CDH23: variants seen among roughly 807,000 people sequenced by gnomAD.
The protein encoded by CDH23 is cadherin related 23.
CDH23 carries 189 observed loss-of-function variants against 317.1 expected under a neutral mutation model. The ratio of observed to expected loss-of-function variants is 0.60; its 90% confidence interval spans 0.53 to 0.67. The LOEUF (loss-of-function observed/expected upper bound fraction) is 0.67. Among genes scored for constraint, CDH23 ranks in the 30% least tolerant of loss-of-function variants. The pLI is 0.00. For synonymous variants in CDH23, 1,839 were observed against 1,876.8 expected, an observed-to-expected ratio of 0.98 and a Z score of 0.52; for missense variants, 4,401 against 4,592.4, an observed-to-expected ratio of 0.96 and a Z score of 1.20.
At chr10:71,591,573 A>G (rs1859494439) in intron 9 of CDH23, among the ~76,000 whole-genome samples, 1 of 152,214 alleles carries the variant, frequency 6.6e-6, no homozygotes, top group Admixed American at 6.5e-5. Context: ...CATGTGTGAT[A>G]CCCTTAAAGA....
Position 71,791,347 on chromosome 10 carries a change from A to G in CDH23, c.6253+12A>G. The G allele has an allele frequency of 6.2e-7, 1 of 1,610,956 alleles. No individual in the cohort carries two copies. The highest frequency in any genetic ancestry group is 8.5e-7 in the Non-Finnish European group (1 of 1,178,328). ...GAACTGCCCGCCTGGTAAGCAGGGG[A>G]CAGGCCCCAGCACCCCACAACCAGG... On this transcript the variant is annotated intron_variant, in intron 47 of 69. Transcript: ENST00000224721.
rs369776863 is a variant in CDH23, at chr10:71,810,529, G to A, written c.9037G>A (p.Val3013Met). 19 of 1,613,860 alleles carry A rather than the reference G, an allele frequency of 1.2e-5. No individual in the cohort carries two copies. The African/African-American group carries it at 1.7e-4, about 15-fold the overall frequency. ...NFAQTELLIH[V>M]VNRDTNRILD... is the part of the protein sequence containing the mutation. ...TGCGCAGACAGAACTGCTTATCCAC[G>A]TGGTGAACCGCGATACCAACCGCAT... Residue 3013 changes from valine (V) to methionine (M), a missense_variant, in exon 62 of 70, where the codon GTG becomes ATG. By Grantham distance (21) the Val-to-Met change is conservative (BLOSUM62 1). Transcript: ENST00000224721.
At chr10:71,635,091 G>T (rs10466022) in intron 11 of CDH23, 78,220 of 152,230 alleles carry the variant, frequency 0.51, 21,066 homozygotes, top group Non-Finnish European at 0.62. Flanking sequence ...ACAGACAGGT[G>T]GTAAAGTATA....
Position 71,759,844 on chromosome 10 carries a change from CACATAT to C in CDH23, c.4846-17832_4846-17827del, listed in dbSNP as rs372640771. 3.4e-3 allele frequency among the ~76,000 whole-genome samples: 86 copies of C among 24,952 alleles called. 3 individuals carry two copies. The highest frequency in any genetic ancestry group is 7.6e-3 in the South Asian group (5 of 660). The allele number at this position is 24,952 out of a possible 152,430, so 16.4% of individuals were successfully genotyped here. ...ATACACACACACACACACACACACA[CACATAT>C]ACACACACACACACATATATATACA... On this transcript the variant is annotated intron_variant, in intron 38 of 69. Coordinates refer to ENST00000224721, the MANE Select transcript of CDH23 (RefSeq NM_022124.6).
intron 3 of CDH23, among the ~76,000 whole-genome samples, chr10:71,465,904 C>G (rs932697152): frequency 6.6e-6 from 1 of 151,588 alleles, no homozygotes; most frequent in Non-Finnish European, 1.5e-5. Flanking sequence ...GAAAAATATC[C>G]TCCCTAGAAA....
chr10:71,561,140 T>C (rs1014946773), intron 6 of CDH23, among the ~76,000 whole-genome samples: 5 of 152,152 alleles, frequency 3.3e-5, no homozygotes, highest in African/African-American at 1.2e-4. Flanking sequence ...CTCTTTTTTT[T>C]CCTGTTTCAG....
intron 41 of CDH23, among the ~76,000 whole-genome samples, chr10:71,781,142 T>C (rs893407173): frequency 1.3e-5 from 2 of 151,984 alleles, no homozygotes; most frequent in South Asian, 2.1e-4. Context: ...ATAGAGGTAT[T>C]TAAATCCAGG....
chr10:71,726,386 C>T (rs994847679), intron 30 of CDH23, among the ~76,000 whole-genome samples: 3 of 152,170 alleles, frequency 2.0e-5, no homozygotes, highest in Non-Finnish European at 2.9e-5. Context: ...AAACAATGAG[C>T]GGTGGTCACC....
intron 9 of CDH23, among the ~76,000 whole-genome samples, chr10:71,604,719 C>A (rs933349686): frequency 6.6e-6 from 1 of 152,230 alleles, no homozygotes; most frequent in Non-Finnish European, 1.5e-5. Context: ...CCAGCCCTGC[C>A]CTCCTCCTCC....
intron 32 of CDH23, 101 bp downstream of exon 32, chr10:71,732,476 C>G (rs2132826876): frequency 6.7e-7 from 1 of 1,493,490 alleles, no homozygotes; most frequent in Non-Finnish European, 9.0e-7. Flanking sequence ...CATAAAATGT[C>G]CTTGAGATGG....
intron 14 of CDH23, among the ~76,000 whole-genome samples, chr10:71,661,723 GCGCCCTCC>G (rs1863660815): frequency 8.6e-6 from 1 of 116,772 alleles, no homozygotes; most frequent in Non-Finnish European, 1.7e-5. Flanking sequence ...CCCACCCTGC[GCGCCCTCC>G]CACCCTGCGC....
chr10:71,577,401 A>T (rs10999893), intron 8 of CDH23, among the ~76,000 whole-genome samples: 21,684 of 152,030 alleles, frequency 0.14, 2,154 homozygotes, highest in East Asian at 0.52. Context: ...ATCCCCCGAG[A>T]TACCTGCTTT....
chr10:71,636,107 G>C (rs1030042604), intron 11 of CDH23, among the ~76,000 whole-genome samples: 4 of 152,046 alleles, frequency 2.6e-5, no homozygotes. Context: ...AAGAAATGAG[G>C]GCGAGATAAA....
rs552222500 is a variant in CDH23, at chr10:71,489,276, C to T, written c.146-20806C>T. ...TTTCTGTTGTATTTTCCATCTCTAACCCCTCTGTGTGGCGTTCTGGGTAAT... is the reference window on the plus strand; with the variant it reads ...TTTCTGTTGTATTTTCCATCTCTAATCCCTCTGTGTGGCGTTCTGGGTAAT... On this transcript the variant is annotated intron_variant, in intron 3 of 69. Coordinates refer to ENST00000224721, the MANE Select transcript of CDH23 (RefSeq NM_022124.6). Among the ~76,000 whole-genome samples, 6 of 152,322 alleles carry T rather than the reference C, an allele frequency of 3.9e-5. No individual in the cohort carries two copies. The South Asian group carries it at 1.2e-3, about 32-fold the overall frequency.
At position 71,511,215 on chromosome 10, in the gene CDH23, A is replaced by G. The variant is rs770543178; in HGVS notation, c.429+3A>G. The G allele has an allele frequency of 6.2e-7, 1 of 1,612,654 alleles. No individual in the cohort carries two copies. Among genetic ancestry groups the G allele is most frequent in the Non-Finnish European group, 8.5e-7 (1 of 1,178,840 alleles). On this transcript the variant is annotated splice_donor_region_variant and intron_variant, in intron 6 of 69. Coordinates refer to ENST00000224721, the MANE Select transcript of CDH23 (RefSeq NM_022124.6). ...CCTACAGCGTCCGCATCCCTGAGGT[A>G]GGAGCCACTGGGGTTACCCTTGAGG...
At chr10:71,689,929 G>A (rs1389117461) in intron 19 of CDH23, among the ~76,000 whole-genome samples, 1 of 152,176 alleles carries the variant, frequency 6.6e-6, no homozygotes, top group African/African-American at 2.4e-5. Context: ...TGTTCTCAGG[G>A]TCTGGACAGG....
intron 48 of CDH23, 96 bp from the exon 49 acceptor site, chr10:71,797,005 CTTT>C (rs1188728998): frequency 8.1e-6 from 6 of 739,084 alleles, no homozygotes; most frequent in Non-Finnish European, 1.2e-5. Flanking sequence ...GACCGTCATC[CTTT>C]GTGGGGATTG....
rs2132953397 is a variant in CDH23 at position 71,793,260 on chromosome 10, G to A, written c.6332G>A (p.Gly2111Glu). 1 of 1,613,908 alleles carries A rather than the reference G, an allele frequency of 6.2e-7. No individual in the cohort carries two copies. The highest frequency in any genetic ancestry group is 8.5e-7 in the Non-Finnish European group (1 of 1,179,870). The change falls in exon 48 of 70, where the codon GGG (glycine) becomes GAG (glutamate). Residue 2111 changes from glycine (G) to glutamate (E), a missense_variant. Gly to Glu is a moderately conservative substitution (Grantham distance 98). Around this residue, in one of 3 missense-constraint regions of CDH23, gnomAD observed 3,068 missense variants for 3,203.3 expected, o/e 0.96. Transcript: ENST00000224721. ...GAGCTGGTCTACCGAATAGAAGCTG[G>A]GGCTCAGGACCGCTTCCTCATTCAT... ...NGELVYRIEA[G>E]AQDRFLIHLV...
chr10:71,404,238 C>T (rs10999803), intron 1 of CDH23, among the ~76,000 whole-genome samples: 26,412 of 152,142 alleles, frequency 0.17, 2,879 homozygotes, highest in African/African-American at 0.31. Context: ...ATCTCCAGTG[C>T]CTTGGCAGGC....
Sources: allele counts gnomAD v4.1 joint callset (sites outside exome capture counted in the v4.1 genomes callset), GRCh38; gene constraint gnomAD v4.1.1; regional missense constraint gnomAD v4.1.1; transcripts MANE v1.5; gene names NCBI Gene and HGNC (gene_info 2026-07-23, HGNC 2026-07-21).